The following N4BP2 variants were observed in gnomAD, a reference collection of about 807,000 sequenced individuals.
N4BP2 encodes NEDD4 binding protein 2.
N4BP2 carries 91 observed loss-of-function variants against 152.8 expected under a neutral mutation model. The ratio of observed to expected loss-of-function variants is 0.60; its 90% CI spans 0.50 to 0.71. The LOEUF (loss-of-function observed/expected upper bound fraction) is 0.71, where lower values mean the gene tolerates loss of function less well. N4BP2 is among the 30% of genes least tolerant of loss of function. The pLI, the probability that N4BP2 is intolerant of heterozygous loss-of-function variation, is 0.00. For missense variants in N4BP2, 1,923 were observed against 2,059.1 expected, an observed-to-expected ratio of 0.93 and a Z score of 1.28; for synonymous variants, 646 against 705.3, an observed-to-expected ratio of 0.92 and a Z score of 1.33.
At chr4:40,117,793 C>A in intron 7 of N4BP2, 76 bp from the exon 8 acceptor site, 1 of 1,257,362 alleles carries the variant, frequency 8.0e-7, no homozygotes. Flanking sequence ...TTATTGTTTT[C>A]CTAGACATAT....
Position 40,120,475 on chromosome 4 carries a change from T to G in N4BP2, c.2364T>G (p.Val788=), listed in dbSNP as rs765187348. ...CAAGACATGAGCTATCAAATTTTGTTGGTGACTGGCCAGTTGATAAGACTA... is the reference window on the plus strand; with the variant it reads ...CAAGACATGAGCTATCAAATTTTGTGGGTGACTGGCCAGTTGATAAGACTA... ...KFPRHELSNF[V]GDWPVDKTIG... Residue 788 remains valine, a synonymous_variant, in exon 9 of 18, where the codon GTT becomes GTG. Transcript: ENST00000261435. The G allele has an allele frequency of 1.9e-6, 3 of 1,613,798 alleles. No individual in the cohort carries two copies. In the Admixed American group the frequency reaches 5.0e-5, roughly 27 times the overall value.
intron 2 of N4BP2, among the ~76,000 whole-genome samples, chr4:40,078,844 A>G (rs533126790): frequency 6.6e-6 from 1 of 151,538 alleles, no homozygotes; most frequent in Admixed American, 6.6e-5. Context: ...ATTAGTATCA[A>G]TAGTAAAGTT....
At chr4:40,181,096 T>C in the N4BP2 span, among the ~76,000 whole-genome samples, 1 of 152,100 alleles carries the variant, frequency 6.6e-6, no homozygotes, top group Non-Finnish European at 1.5e-5. Flanking sequence ...GTTGCAGTAA[T>C]CTGAGACCTC....
chr4:40,154,640 G>A lies in N4BP2; in HGVS notation c.*403G>A, dbSNP rs1404211371. 1 of 158,226 alleles carries A rather than the reference G, an allele frequency of 6.3e-6. No individual in the cohort carries two copies. The highest frequency in any genetic ancestry group is 1.4e-5 in the Non-Finnish European group (1 of 72,542). The allele number at this position is 158,226 out of a possible 1,614,324, so 9.8% of individuals were successfully genotyped here. The stretch of plus-strand genomic sequence containing the variant: ...CCTGATTCATGCCCCCCAAAGGGTG[G>A]TATTAAAAGAGGAAAAAGGACATAG... On this transcript the variant is annotated 3_prime_UTR_variant, in exon 18 of 18. Coordinates refer to ENST00000261435, the MANE Select transcript of N4BP2 (RefSeq NM_018177.6).
chr4:40,180,349 A>G, the N4BP2 span, among the ~76,000 whole-genome samples: 1 of 152,218 alleles, frequency 6.6e-6, no homozygotes, highest in South Asian at 2.1e-4. Flanking sequence ...TCAGCAAGAC[A>G]CCACTTTTCA....
intron 2 of N4BP2, among the ~76,000 whole-genome samples, chr4:40,086,278 C>T (rs1713943330): frequency 6.6e-6 from 1 of 151,158 alleles, no homozygotes; most frequent in African/African-American, 2.4e-5. Context: ...TGAGACCAGC[C>T]TGGACAACAT....
chr4:40,071,288 C>T (rs574914300), intron 1 of N4BP2, among the ~76,000 whole-genome samples: 1 of 152,170 alleles, frequency 6.6e-6, no homozygotes, highest in East Asian at 1.9e-4. Flanking sequence ...TTCCTCTATC[C>T]CCTATATTTA....
At chr4:40,104,921 C>T (rs1716103621) in intron 4 of N4BP2, among the ~76,000 whole-genome samples, 1 of 151,728 alleles carries the variant, frequency 6.6e-6, no homozygotes, top group African/African-American at 2.4e-5. Context: ...TCTCCTGCCT[C>T]GGCCTCCGGA....
At chr4:40,179,159 G>A in the N4BP2 span, among the ~76,000 whole-genome samples, 1 of 152,098 alleles carries the variant, frequency 6.6e-6, no homozygotes, top group Non-Finnish European at 1.5e-5. Context: ...ACAAGGTCAG[G>A]AGATCGAGAC....
rs911049320 is a variant in N4BP2 at position 40,157,189 on chromosome 4, A to G, written c.*2952A>G. On this transcript the variant is annotated 3_prime_UTR_variant, in exon 18 of 18. Transcript: ENST00000261435. Reference sequence around the variant, plus strand: ...TCAGTCTGTCCATCTCTTTATTCCAATGTGAGAAATGGAAGTGTTTTTTTT... The same window carrying G: ...TCAGTCTGTCCATCTCTTTATTCCAGTGTGAGAAATGGAAGTGTTTTTTTT... 6 of 151,968 alleles carry G rather than the reference A, an allele frequency of 3.9e-5. No individual in the cohort carries two copies. Among genetic ancestry groups the G allele is most frequent in the Middle Eastern group, 6.3e-3 (2 of 316 alleles). The allele number at this position is 151,968 out of a possible 1,614,324, so 9.4% of individuals were successfully genotyped here. A position where few individuals can be genotyped will look rare whatever the true frequency, so the allele number is the denominator to read the frequency against.
downstream of N4BP2, among the ~76,000 whole-genome samples, chr4:40,162,742 T>C (rs951871426): frequency 1.3e-5 from 2 of 152,252 alleles, no homozygotes; most frequent in South Asian, 4.1e-4. Flanking sequence ...CCAGAATGAA[T>C]AGGAGATAGA....
chr4:40,183,658 G>A, the N4BP2 span, among the ~76,000 whole-genome samples: 1 of 152,176 alleles, frequency 6.6e-6, no homozygotes, highest in Non-Finnish European at 1.5e-5. Flanking sequence ...TTTATAAGAG[G>A]TTGGTAGCTT....
chr4:40,165,499 T>C, the N4BP2 span, among the ~76,000 whole-genome samples: 1 of 152,168 alleles, frequency 6.6e-6, no homozygotes, highest in Non-Finnish European at 1.5e-5. Context: ...TCCACCTGCT[T>C]TGGTCTCCCA....
intron 2 of N4BP2, among the ~76,000 whole-genome samples, chr4:40,092,424 G>C (rs1714693341): frequency 1.3e-5 from 2 of 151,556 alleles, no homozygotes; most frequent in African/African-American, 4.8e-5. Flanking sequence ...TCAAACTTTT[G>C]TGTGTTCATA....
intron 8 of N4BP2, among the ~76,000 whole-genome samples, chr4:40,119,141 A>G (rs547872409): frequency 3.3e-5 from 5 of 152,338 alleles, no homozygotes; most frequent in Admixed American, 1.3e-4. Context: ...CATTTCTAAA[A>G]TGCCAGTAAT....
chr4:40,089,890 T>C (rs931990577), intron 2 of N4BP2, among the ~76,000 whole-genome samples: 6 of 152,350 alleles, frequency 3.9e-5, no homozygotes, highest in Middle Eastern at 6.8e-3. Context: ...CATTTAAATC[T>C]GTGGTCCATT....
rs1006584489 is a variant in N4BP2 at position 40,157,604 on chromosome 4, T to G, written c.*3367T>G. 4 of 152,110 alleles carry G rather than the reference T, an allele frequency of 2.6e-5. No individual in the cohort carries two copies. Among genetic ancestry groups the G allele is most frequent in the African/African-American group, 9.7e-5 (4 of 41,446 alleles). The allele number at this position is 152,110 out of a possible 1,614,324, so 9.4% of individuals were successfully genotyped here. A position where few individuals can be genotyped will look rare whatever the true frequency, so the allele number is the denominator to read the frequency against. ...ACGAAATGTATAAAAAAGACAAAAA[T>G]AACGTGTGCTGTTTTTTCCAAGTGC... On this transcript the variant is annotated 3_prime_UTR_variant, in exon 18 of 18. Coordinates refer to ENST00000261435, the MANE Select transcript of N4BP2 (RefSeq NM_018177.6).
intron 2 of N4BP2, among the ~76,000 whole-genome samples, chr4:40,075,768 A>T (rs1363262290): frequency 6.6e-6 from 1 of 152,198 alleles, no homozygotes; most frequent in East Asian, 1.9e-4. Context: ...GAGTTCTGCC[A>T]TAATTTATAC....
the N4BP2 span, among the ~76,000 whole-genome samples, chr4:40,177,393 A>G: frequency 2.0e-5 from 3 of 152,136 alleles, no homozygotes; most frequent in African/African-American, 7.2e-5. Flanking sequence ...AAGCAGGTGG[A>G]TCACCTGAGG....
Sources: allele counts gnomAD v4.1 joint callset (sites outside exome capture counted in the v4.1 genomes callset), GRCh38; gene constraint gnomAD v4.1.1; transcripts MANE v1.5; gene names NCBI Gene and HGNC (gene_info 2026-07-23, HGNC 2026-07-21).